Variants in EFCAB6 observed in about 807,000 individuals in gnomAD.
The protein encoded by EFCAB6 is EF-hand calcium binding domain 6.
EFCAB6 carries 156 observed loss-of-function variants against 169.8 expected under a neutral mutation model. That is an observed-to-expected ratio of 0.92 (90% CI 0.81 to 1.05). The LOEUF is 1.05. EFCAB6 is among the 50% of genes least tolerant of loss of function. EFCAB6 has a pLI of 0.00. For synonymous variants in EFCAB6, 698 were observed against 676.4 expected (o/e 1.03, Z -0.50); for missense variants, 1,800 against 1,829.1 (o/e 0.98, Z 0.29).
chr22:43,585,789 A>G (rs899858161), intron 24 of EFCAB6, among the ~76,000 whole-genome samples: 15 of 152,208 alleles, frequency 9.9e-5, no homozygotes, highest in African/African-American at 3.6e-4. Flanking sequence ...CCTTATCTAT[A>G]GAGGAACAAA....
chr22:43,650,243 G>C (rs2056400549), intron 17 of EFCAB6, among the ~76,000 whole-genome samples: 1 of 152,192 alleles, frequency 6.6e-6, no homozygotes, highest in African/African-American at 2.4e-5. Flanking sequence ...TGTTTTGGGA[G>C]GCACCTGGTG....
rs16990633 is a variant in EFCAB6 at position 43,690,935 on chromosome 22, T to C, written c.1032-3354A>G. 3.5e-3 allele frequency among the ~76,000 whole-genome samples: 526 copies of C among 152,204 alleles called. 20 individuals carry two copies. In the East Asian group the frequency reaches 0.087, roughly 25 times the overall value. On this transcript the variant is annotated intron_variant, in intron 10 of 31. Transcript: ENST00000262726. ...TCCCTATTAGACTTTCATTACACTA[T>C]GTATCCTTCCATTATAGCACTTATT...
At chr22:43,782,458 G>A (rs2061859208) in intron 2 of EFCAB6, 133 bp from the exon 3 acceptor site, 1 of 741,768 alleles carries the variant, frequency 1.3e-6, no homozygotes, top group African/African-American at 1.8e-5. Context: ...AATCTGCTTT[G>A]CTGATGTTTC....
chr22:43,806,672 C>A (rs1213028328), intron 2 of EFCAB6, among the ~76,000 whole-genome samples: 1 of 152,178 alleles, frequency 6.6e-6, no homozygotes, highest in Non-Finnish European at 1.5e-5. Context: ...TCCCAACACA[C>A]CACGTAGTTC....
Position 43,537,387 on chromosome 22 carries a change from G to A in EFCAB6, c.4038C>T (p.Ser1346=), listed in dbSNP as rs867069202. Residue 1346 remains serine, a synonymous_variant, in exon 29 of 32, where the codon TCC becomes TCT. Coordinates refer to ENST00000262726, the MANE Select transcript of EFCAB6 (RefSeq NM_022785.4). The surrounding 1 kb of genome is among the most constrained non-coding windows in gnomAD (Gnocchi z 4.3). ...AGAATCTGAACGAACCCAGGAAATC[G>A]GAGGCGTTGATGTCCCCCTGTCTGG... is the stretch of plus-strand genomic sequence containing the variant. ...DVARQGDINA[S]DFLALVEKFN... is the part of the protein sequence containing the mutation. 1.9e-5 allele frequency: 30 copies of A among 1,613,822 alleles called. No individual in the cohort carries two copies. The highest frequency in any genetic ancestry group is 8.0e-5 in the African/African-American group (6 of 74,862).
chr22:43,549,952 A>G (rs1355973155), intron 27 of EFCAB6, among the ~76,000 whole-genome samples: 1 of 152,246 alleles, frequency 6.6e-6, no homozygotes, highest in Non-Finnish European at 1.5e-5. Flanking sequence ...ATTGGATAAA[A>G]TTCAACATCT....
chr22:43,669,221 G>C (rs1012395640), intron 15 of EFCAB6, among the ~76,000 whole-genome samples, 176 bp from the exon 16 acceptor site: 16 of 152,190 alleles, frequency 1.1e-4, no homozygotes, highest in Non-Finnish European at 2.4e-4. Context: ...AAATGAAAAT[G>C]TGTGTCTACA....
chr22:43,735,491 TTGAG>T (rs2060100745), intron 7 of EFCAB6, among the ~76,000 whole-genome samples: 1 of 151,806 alleles, frequency 6.6e-6, no homozygotes, highest in Admixed American at 6.6e-5. Context: ...ACCCCAGGCT[TTGAG>T]TAAAAATCAA....
intron 28 of EFCAB6, 53 bp downstream of exon 28, chr22:43,540,074 T>G: frequency 1.3e-6 from 2 of 1,593,290 alleles, no homozygotes; most frequent in South Asian, 1.1e-5. Context: ...CCAGTGGGAT[T>G]TGTGGATGTG....
In EFCAB6 at chr22:43,632,194, T is replaced by G. The variant is rs142186834; in HGVS notation, c.2143A>C (p.Thr715Pro). The G allele has an allele frequency of 4.5e-5, 73 of 1,614,036 alleles. No homozygotes were observed. The African/African-American group carries it at 8.8e-4, about 19-fold the overall frequency. Residue 715 changes from threonine to proline, a missense_variant, in exon 19 of 32, where the codon ACT becomes CCT. Coordinates refer to ENST00000262726, the MANE Select transcript of EFCAB6 (RefSeq NM_022785.4). Reference protein sequence around the residue: ...GPETTPPQPPTPSKSYVNSHF... With the variant: ...GPETTPPQPPPPSKSYVNSHF... ...CTGTTCACGTAACTTTTTGAAGGAG[T>G]TGGAGGCTGCGGCGGAGTGGTTTCC...
intron 17 of EFCAB6, among the ~76,000 whole-genome samples, chr22:43,637,419 T>C (rs2055491903): frequency 6.6e-6 from 1 of 152,256 alleles, no homozygotes; most frequent in South Asian, 2.1e-4. Context: ...TTATTCTCCC[T>C]TTCACTGTCT....
intron 17 of EFCAB6, among the ~76,000 whole-genome samples, chr22:43,639,815 C>G (rs1602843760): frequency 1.3e-5 from 2 of 151,940 alleles, no homozygotes; most frequent in African/African-American, 4.8e-5. Context: ...TTGTGAGACA[C>G]TATTCTCTCT....
chr22:43,556,619 T>C (rs573122979), intron 26 of EFCAB6, among the ~76,000 whole-genome samples: 2 of 152,302 alleles, frequency 1.3e-5, no homozygotes, highest in East Asian at 3.9e-4. Context: ...TCGACAGCAA[T>C]GTATATATTA....
At chr22:43,541,558 T>C (rs4823136) in intron 27 of EFCAB6, among the ~76,000 whole-genome samples, 21,125 of 152,130 alleles carry the variant, frequency 0.14, 1,574 homozygotes, top group Middle Eastern at 0.19. Flanking sequence ...TTACTACACG[T>C]GTAGATTCGT....
intron 6 of EFCAB6, among the ~76,000 whole-genome samples, chr22:43,747,941 T>C (rs1315599949): frequency 6.6e-6 from 1 of 152,210 alleles, no homozygotes; most frequent in Admixed American, 6.5e-5. Context: ...TACCGCCCAA[T>C]AAACACATTT....
At chr22:43,764,031 G>A (rs2061249106) in intron 5 of EFCAB6, among the ~76,000 whole-genome samples, 1 of 152,146 alleles carries the variant, frequency 6.6e-6, no homozygotes, top group Non-Finnish European at 1.5e-5. Context: ...CCAAAGTGCT[G>A]GGGTTATAGT....
chr22:43,557,622 C>T (rs1032321989), intron 26 of EFCAB6, among the ~76,000 whole-genome samples: 5 of 152,110 alleles, frequency 3.3e-5, no homozygotes, highest in Non-Finnish European at 7.4e-5. Context: ...ATAATTTTTA[C>T]ATTAGTCAAA....
At chr22:43,783,505 T>G (rs2061903929) in intron 2 of EFCAB6, among the ~76,000 whole-genome samples, 2 of 152,142 alleles carry the variant, frequency 1.3e-5, no homozygotes, top group Admixed American at 6.5e-5. Flanking sequence ...TAGCTAAGTG[T>G]TGAAGGAATG....
At chr22:43,618,181 A>G (rs142576628) in intron 20 of EFCAB6, among the ~76,000 whole-genome samples, 4,061 of 81,628 alleles carry the variant, frequency 0.05, 153 homozygotes, top group African/African-American at 0.076. Context: ...AAAGAAAGAA[A>G]GAAAGAAAGA....
Sources: allele counts gnomAD v4.1 joint callset (sites outside exome capture counted in the v4.1 genomes callset), GRCh38; gene constraint gnomAD v4.1.1; non-coding constraint Gnocchi (gnomAD v3.1); transcripts MANE v1.5; gene names NCBI Gene and HGNC (gene_info 2026-07-23, HGNC 2026-07-21).